The following DLG2 variants were observed in gnomAD, a reference collection of about 807,000 sequenced individuals.
DLG2 encodes the protein discs large MAGUK scaffold protein 2.
In DLG2, 45 loss-of-function variants were observed where a neutral mutation model predicts 132.5. That is an observed-to-expected ratio of 0.34 (90% CI 0.27 to 0.44). DLG2 has a LOEUF of 0.44. Among genes scored for constraint, DLG2 ranks in the 20% least tolerant of loss-of-function variants. DLG2 has a pLI of 1.00. For missense variants in DLG2, 1,045 were observed against 1,196.9 expected, an observed-to-expected ratio of 0.87 and a Z score of 1.87; for synonymous variants, 424 against 419.6, an observed-to-expected ratio of 1.01 and a Z score of -0.13.
chr11:83,953,743 A>G (rs2086090245), intron 14 of DLG2, among the ~76,000 whole-genome samples: 1 of 152,178 alleles, frequency 6.6e-6, no homozygotes, highest in South Asian at 2.1e-4. Flanking sequence ...GACCATGTCT[A>G]TTTTCTTGAG....
intron 7 of DLG2, among the ~76,000 whole-genome samples, chr11:84,362,737 C>T (rs1433143464): frequency 6.6e-5 from 10 of 152,014 alleles, no homozygotes; most frequent in South Asian, 2.1e-4. Context: ...TCAATTCCCA[C>T]CTATGAGTGA....
At chr11:84,912,142 A>AATTTATTT (rs142345341) in intron 6 of DLG2, among the ~76,000 whole-genome samples, 43 of 151,354 alleles carry the variant, frequency 2.8e-4, no homozygotes, top group South Asian at 2.1e-3. Flanking sequence ...TGGCTTTCAC[A>AATTTATTT]ATTTATTTAT....
rs946255553 is a variant in DLG2, at chr11:84,407,447, C to G, written c.519+127123G>C. Among the ~76,000 whole-genome samples, 4 of 152,240 alleles carry G rather than the reference C, an allele frequency of 2.6e-5. 1 individual carries two copies. In the South Asian group the frequency reaches 8.3e-4, roughly 32 times the overall value. ...GACTGTTTGGATGACCACCTGCTCT[C>G]TAAGGCCATACATTTTGGATTTCAT... On this transcript the variant is annotated intron_variant, in intron 7 of 27. Transcript: ENST00000376104.
chr11:84,912,660 T>C (rs1454016484), intron 6 of DLG2, among the ~76,000 whole-genome samples: 3 of 152,254 alleles, frequency 2.0e-5, no homozygotes, highest in African/African-American at 7.2e-5. Flanking sequence ...TGACGGATTT[T>C]CAACCCAGGC....
intron 4 of DLG2, among the ~76,000 whole-genome samples, chr11:85,243,763 A>G (rs2076006330): frequency 6.6e-6 from 1 of 152,016 alleles, no homozygotes; most frequent in Non-Finnish European, 1.5e-5. Context: ...TAGTTCTGCC[A>G]CAAACCACCC....
At chr11:85,341,321 C>T (rs971514863) in intron 3 of DLG2, among the ~76,000 whole-genome samples, 5 of 152,100 alleles carry the variant, frequency 3.3e-5, no homozygotes, top group African/African-American at 1.2e-4. Context: ...AGGGTTTCAC[C>T]GTGTTAGCCA....
intron 17 of DLG2, among the ~76,000 whole-genome samples, chr11:83,795,393 G>A (rs1187928103): frequency 2.8e-5 from 4 of 142,222 alleles, no homozygotes; most frequent in Non-Finnish European, 6.1e-5. Flanking sequence ...GGGGGACAGA[G>A]TGAGACTCTT....
intron 9 of DLG2, among the ~76,000 whole-genome samples, chr11:84,135,680 A>G (rs2094574379): frequency 6.6e-6 from 1 of 152,120 alleles, no homozygotes; most frequent in African/African-American, 2.4e-5. Flanking sequence ...GTGTGGTTGG[A>G]GTACACATGC....
At chr11:85,503,307 C>G (rs1033312815) in intron 3 of DLG2, among the ~76,000 whole-genome samples, 1 of 152,088 alleles carries the variant, frequency 6.6e-6, no homozygotes, top group Non-Finnish European at 1.5e-5. Context: ...GAGCCATCGA[C>G]AAATTCTAAT....
At chr11:84,928,410 G>A (rs57957221) in intron 6 of DLG2, among the ~76,000 whole-genome samples, 1,602 of 151,988 alleles carry the variant, frequency 0.011, 29 homozygotes, top group African/African-American at 0.036. Flanking sequence ...TACTTCATAG[G>A]GATGTTGTGA....
intron 4 of DLG2, among the ~76,000 whole-genome samples, chr11:85,196,886 T>C (rs2081110912): frequency 6.6e-6 from 1 of 152,226 alleles, no homozygotes; most frequent in Non-Finnish European, 1.5e-5. Context: ...ATGGAATATT[T>C]AAGAGAATAG....
intron 4 of DLG2, among the ~76,000 whole-genome samples, chr11:85,254,991 T>C (rs2076595213): frequency 7.0e-6 from 1 of 143,048 alleles, no homozygotes; most frequent in Non-Finnish European, 1.5e-5. Context: ...AGAGCAAGAC[T>C]CCATCTCAAA....
intron 17 of DLG2, among the ~76,000 whole-genome samples, chr11:83,799,688 G>A (rs972922189): frequency 4.6e-5 from 7 of 152,196 alleles, no homozygotes. Flanking sequence ...GAGGTGTGAT[G>A]ATACCATTAA....
chr11:84,913,812 G>A lies in DLG2; in HGVS notation c.357+197849C>T, dbSNP rs893224770. On this transcript the variant is annotated intron_variant, in intron 6 of 27. Coordinates refer to ENST00000376104, the MANE Select transcript of DLG2 (RefSeq NM_001142699.3). ...AACATTGAAAAATATAATGTATTCT[G>A]ACCCACTTAAAACTGATTCATTAGT... Among the ~76,000 whole-genome samples, 11 of 152,172 alleles carry A rather than the reference G, an allele frequency of 7.2e-5. No individual in the cohort carries two copies. In the South Asian group the frequency reaches 1.9e-3, roughly 26 times the overall value.
chr11:83,493,249 C>T (rs899953114), intron 21 of DLG2, among the ~76,000 whole-genome samples: 6 of 152,068 alleles, frequency 3.9e-5, no homozygotes, highest in African/African-American at 9.7e-5. Context: ...CTCACATATT[C>T]CCCCTTATCA....
At chr11:83,858,147 T>C (rs2060851731) in intron 16 of DLG2, among the ~76,000 whole-genome samples, 1 of 152,166 alleles carries the variant, frequency 6.6e-6, no homozygotes. Flanking sequence ...GTGTCTGTTT[T>C]GCTGAGTACG....
intron 3 of DLG2, among the ~76,000 whole-genome samples, chr11:85,417,031 G>A (rs561171733): frequency 6.6e-6 from 1 of 152,142 alleles, no homozygotes; most frequent in Non-Finnish European, 1.5e-5. Flanking sequence ...AGTTTTCAGA[G>A]AGAATGCTTC....
At chr11:84,746,868 T>C (rs1397516850) in intron 6 of DLG2, among the ~76,000 whole-genome samples, 2 of 152,156 alleles carry the variant, frequency 1.3e-5, no homozygotes, top group African/African-American at 4.8e-5. Flanking sequence ...GGTAGTAAGA[T>C]AACTGTGGCA....
intron 7 of DLG2, among the ~76,000 whole-genome samples, chr11:84,455,843 G>A (rs2099063848): frequency 6.6e-6 from 1 of 151,332 alleles, no homozygotes; most frequent in South Asian, 2.1e-4. Context: ...TGATGGGGAA[G>A]GGCTGCTTCA....
Sources: gnomAD v4.1 joint callset for allele counts (sites outside exome capture counted in the v4.1 genomes callset) on GRCh38, gnomAD v4.1.1 for gene constraint, MANE v1.5 for transcripts, NCBI Gene and HGNC (gene_info 2026-07-23, HGNC 2026-07-21) for gene names.